Variants in CDH12 observed in about 807,000 individuals in gnomAD.
CDH12 encodes the protein cadherin-12.
A neutral mutation model predicts 74.1 loss-of-function variants in CDH12; 41 were observed. The ratio of observed to expected loss-of-function variants is 0.55; its 90% CI spans 0.43 to 0.72. The LOEUF is 0.72. Ranked by LOEUF, CDH12 falls within the 30% of genes least tolerant of loss-of-function variation. The pLI, the probability that CDH12 is intolerant of heterozygous loss-of-function variation, is 0.00. For missense variants in CDH12, 945 were observed against 977.2 expected, an observed-to-expected ratio of 0.97 and a Z score of 0.44; for synonymous variants, 399 against 355.0, an observed-to-expected ratio of 1.12 and a Z score of -1.39.
At chr5:22,751,345 T>G (rs1580960074) in intron 1 of CDH12, among the ~76,000 whole-genome samples, 1 of 148,174 alleles carries the variant, frequency 6.7e-6, no homozygotes, top group African/African-American at 2.5e-5. Flanking sequence ...TATACATATA[T>G]ATATATATAT....
rs575941979 is a variant in CDH12 at position 22,299,412 on chromosome 5, T to C, written c.-332-86769A>G. 4.6e-5 allele frequency among the ~76,000 whole-genome samples: 7 copies of C among 152,320 alleles called. No homozygotes were observed. The South Asian group carries it at 6.2e-4, about 14-fold the overall frequency. On this transcript the variant is annotated intron_variant, in intron 3 of 14. Transcript: ENST00000382254. ...ATCAAGTAGAAATGTTTTGGAGTAC[T>C]CAAGCTACTTGCAGACACATTTGTA...
chr5:22,607,878 G>T (rs1167737110), intron 1 of CDH12, among the ~76,000 whole-genome samples: 3 of 152,236 alleles, frequency 2.0e-5, no homozygotes, highest in Non-Finnish European at 4.4e-5. Flanking sequence ...GTGCATAGAA[G>T]TCAAGAATTG....
intron 2 of CDH12, among the ~76,000 whole-genome samples, chr5:22,415,727 C>G (rs1006041734): frequency 2.0e-5 from 3 of 152,110 alleles, no homozygotes; most frequent in Non-Finnish European, 4.4e-5. Context: ...AAAAGATACA[C>G]AAATGTTATA....
intron 3 of CDH12, among the ~76,000 whole-genome samples, chr5:22,236,712 C>T (rs950855105): frequency 2.0e-5 from 3 of 152,074 alleles, no homozygotes; most frequent in African/African-American, 4.8e-5. Context: ...TGCCACTGCA[C>T]GCCACTCTGG....
intron 8 of CDH12, among the ~76,000 whole-genome samples, chr5:21,832,646 G>T (rs1749088158): frequency 1.3e-5 from 2 of 149,468 alleles, no homozygotes; most frequent in African/African-American, 4.9e-5. Flanking sequence ...ATACAATTTT[G>T]CATGAATACA....
chr5:21,908,914 G>A (rs1753751861), intron 6 of CDH12, among the ~76,000 whole-genome samples: 1 of 151,964 alleles, frequency 6.6e-6, no homozygotes, highest in African/African-American at 2.4e-5. Context: ...ACGCATGAGA[G>A]TGTAAAAAAA....
At chr5:22,277,858 C>G (rs1041289806) in intron 3 of CDH12, among the ~76,000 whole-genome samples, 1 of 152,048 alleles carries the variant, frequency 6.6e-6, no homozygotes, top group African/African-American at 2.4e-5. Flanking sequence ...AAACAACAAA[C>G]AAACAAACGA....
intron 1 of CDH12, among the ~76,000 whole-genome samples, chr5:22,754,606 T>C (rs1580965084): frequency 6.7e-6 from 1 of 148,158 alleles, no homozygotes; most frequent in African/African-American, 2.5e-5. Context: ...TGTAGAAGCC[T>C]GAGAAGATGA....
intron 1 of CDH12, among the ~76,000 whole-genome samples, chr5:22,522,331 G>A (rs988823088): frequency 6.6e-6 from 1 of 152,146 alleles, no homozygotes; most frequent in African/African-American, 2.4e-5. Context: ...TTAAATTGGA[G>A]CATCAAATAT....
intron 2 of CDH12, among the ~76,000 whole-genome samples, chr5:22,504,777 A>G (rs1258411271): frequency 6.6e-6 from 1 of 152,092 alleles, no homozygotes; most frequent in African/African-American, 2.4e-5. Context: ...ATATTCGTAA[A>G]GAAGAGAAAA....
chr5:22,144,594 G>A (rs1250863288), intron 4 of CDH12, among the ~76,000 whole-genome samples: 1 of 152,014 alleles, frequency 6.6e-6, no homozygotes, highest in African/African-American at 2.4e-5. Context: ...TGTTTTATTC[G>A]TTATGTGGAG....
At chr5:22,768,829 T>C (rs893952697) in intron 1 of CDH12, among the ~76,000 whole-genome samples, 1 of 152,144 alleles carries the variant, frequency 6.6e-6, no homozygotes, top group Non-Finnish European at 1.5e-5. Flanking sequence ...CCTATAATTG[T>C]GGGAAATTTA....
Position 21,783,245 on chromosome 5 carries a change from A to G in CDH12, c.1393+113T>C. Reference sequence around the variant, plus strand: ...GAATAGGTTTCTGAGTTTCCCCGCGAGACCACTCAGCTGTCAGTCCAAAAA... The same window carrying G: ...GAATAGGTTTCTGAGTTTCCCCGCGGGACCACTCAGCTGTCAGTCCAAAAA... On this transcript the variant is annotated intron_variant, in intron 11 of 14. Transcript: ENST00000382254. 13 of 898,798 alleles carry G rather than the reference A, an allele frequency of 1.4e-5. No homozygotes were observed. In the South Asian group the frequency reaches 2.2e-4, roughly 15 times the overall value. The allele number at this position is 898,798 out of a possible 1,614,324, so 55.7% of individuals were successfully genotyped here.
rs369456519 is a variant in CDH12, at chr5:22,247,927, A to G, written c.-332-35284T>C. ...CAAATCTTCCATGGGTCCATAAAAA[A>G]TTCAATATATTTACAAGAAGTCCCA... On this transcript the variant is annotated intron_variant, in intron 3 of 14. Transcript: ENST00000382254. 1.1e-4 allele frequency among the ~76,000 whole-genome samples: 16 copies of G among 152,286 alleles called. No individual in the cohort carries two copies. The East Asian group carries it at 2.7e-3, about 26-fold the overall frequency.
At chr5:22,800,037 C>T (rs1748431167) in intron 1 of CDH12, among the ~76,000 whole-genome samples, 1 of 151,986 alleles carries the variant, frequency 6.6e-6, no homozygotes, top group East Asian at 1.9e-4. Context: ...GTGATAAATG[C>T]TAGGAAAGAG....
chr5:22,299,880 C>CT (rs1737793292), intron 3 of CDH12, among the ~76,000 whole-genome samples: 1 of 152,110 alleles, frequency 6.6e-6, no homozygotes, highest in Admixed American at 6.6e-5. Context: ...AAGTTCCTGT[C>CT]ATTTTTTCTT....
At chr5:22,094,960 T>A (rs1442507770) in intron 4 of CDH12, among the ~76,000 whole-genome samples, 1 of 152,200 alleles carries the variant, frequency 6.6e-6, no homozygotes, top group African/African-American at 2.4e-5. Context: ...CTCCCTTTGC[T>A]GACCCTCTTT....
intron 6 of CDH12, among the ~76,000 whole-genome samples, chr5:21,893,986 C>T (rs938774171): frequency 2.6e-5 from 4 of 152,046 alleles, no homozygotes; most frequent in African/African-American, 7.2e-5. Flanking sequence ...CAGTATTTAA[C>T]GCCTGCAAGA....
At chr5:22,645,471 TAG>T (rs1739390626) in intron 1 of CDH12, among the ~76,000 whole-genome samples, 1 of 151,988 alleles carries the variant, frequency 6.6e-6, no homozygotes, top group Admixed American at 6.6e-5. Flanking sequence ...TTTTATGGAT[TAG>T]CAAATAAAAT....
Sources: allele counts gnomAD v4.1 joint callset (sites outside exome capture counted in the v4.1 genomes callset), GRCh38; gene constraint gnomAD v4.1.1; transcripts MANE v1.5; gene names NCBI Gene and HGNC (gene_info 2026-07-23, HGNC 2026-07-21).